Variants in CHN1 observed in about 807,000 individuals in gnomAD.
The protein encoded by CHN1 is chimerin 1, also known as N-chimaerin.
Under a neutral mutation model 59.5 loss-of-function variants are expected in CHN1, and 37 were observed. The ratio of observed to expected loss-of-function variants is 0.62; its 90% CI spans 0.48 to 0.82. CHN1 has a LOEUF of 0.82. Among genes scored for constraint, CHN1 ranks in the 40% least tolerant of loss-of-function variants. The pLI, the probability that CHN1 is intolerant of heterozygous loss-of-function variation, is 0.00. For missense variants in CHN1, 469 were observed against 571.0 expected, an observed-to-expected ratio of 0.82 and a Z score of 1.82; for synonymous variants, 206 against 200.4, an observed-to-expected ratio of 1.03 and a Z score of -0.24.
intron 6 of CHN1, among the ~76,000 whole-genome samples, chr2:174,851,019 C>G (rs928219332): frequency 1.3e-5 from 2 of 152,146 alleles, no homozygotes; most frequent in African/African-American, 4.8e-5. Context: ...ATGTGGAGGT[C>G]TGAGCTCAGA....
At chr2:174,932,114 C>T (rs530374873) in intron 3 of CHN1, among the ~76,000 whole-genome samples, 1 of 152,268 alleles carries the variant, frequency 6.6e-6, no homozygotes, top group African/African-American at 2.4e-5. Context: ...GGGGAAAGAT[C>T]AGTTAAGAAC....
chr2:174,860,448 A>C (rs1249349898), intron 6 of CHN1, among the ~76,000 whole-genome samples: 1 of 152,136 alleles, frequency 6.6e-6, no homozygotes, highest in Non-Finnish European at 1.5e-5. Flanking sequence ...AAAGTGTAAA[A>C]ACTTCATAAA....
intron 5 of CHN1, among the ~76,000 whole-genome samples, chr2:174,914,303 C>T (rs1306409073): frequency 6.6e-6 from 1 of 152,128 alleles, no homozygotes. Flanking sequence ...TGTTTCTGGG[C>T]ACTGTACTGT....
At chr2:174,931,213 A>G (rs1222706079) in intron 3 of CHN1, among the ~76,000 whole-genome samples, 3 of 152,256 alleles carry the variant, frequency 2.0e-5, no homozygotes, top group African/African-American at 7.2e-5. Context: ...GCTATCACTC[A>G]GCATTCATAT....
chr2:174,998,293 ACT>A (rs1195276703), intron 1 of CHN1, among the ~76,000 whole-genome samples: 22 of 119,422 alleles, frequency 1.8e-4, no homozygotes, highest in African/African-American at 5.7e-4. Flanking sequence ...ACAGAGTGAG[ACT>A]CTGTCTCAAA....
chr2:174,884,476 A>C (rs1364872772), intron 5 of CHN1, among the ~76,000 whole-genome samples: 1 of 152,204 alleles, frequency 6.6e-6, no homozygotes, highest in Non-Finnish European at 1.5e-5. Context: ...CAAGCCTAAC[A>C]ATACTAAGTA....
intron 7 of CHN1, among the ~76,000 whole-genome samples, chr2:174,845,090 AAAC>A (rs1236947188): frequency 1.3e-5 from 2 of 152,174 alleles, no homozygotes; most frequent in East Asian, 1.9e-4. Flanking sequence ...TAAAATTGAG[AAAC>A]AACTGGAAGA....
intron 6 of CHN1, among the ~76,000 whole-genome samples, chr2:174,860,852 C>T (rs1687047604): frequency 6.6e-6 from 1 of 152,040 alleles, no homozygotes; most frequent in African/African-American, 2.4e-5. Context: ...CTCTCTCCAT[C>T]CCAGATTTCT....
chr2:174,987,018 G>A (rs1559011260), intron 1 of CHN1, among the ~76,000 whole-genome samples: 2 of 152,100 alleles, frequency 1.3e-5, no homozygotes, highest in Non-Finnish European at 1.5e-5. Context: ...TTACAGGCAT[G>A]AGCCACCACG....
intron 5 of CHN1, among the ~76,000 whole-genome samples, chr2:174,910,955 C>G (rs1174808246): frequency 6.9e-6 from 1 of 145,772 alleles, no homozygotes; most frequent in South Asian, 2.2e-4. Flanking sequence ...TTTAAAAGAT[C>G]ATTTCATATA....
chr2:174,824,520 T>C lies in CHN1; in HGVS notation c.628-2A>G. The C allele has an allele frequency of 6.4e-7, 1 of 1,567,178 alleles. No individual in the cohort carries two copies. Among genetic ancestry groups the C allele is most frequent in the African/African-American group, 1.4e-5 (1 of 71,038 alleles). ...GTGTGGCCCTCTGAATGTATGCACC[T>C]GAAAAAAAAAAAGAGGGGCAAAGTC... is the stretch of plus-strand genomic sequence containing the variant. On this transcript the variant is annotated splice_acceptor_variant, in intron 7 of 12. Transcript: ENST00000409900. LOFTEE classifies it high-confidence loss of function.
chr2:174,957,477 T>C (rs1286081045), intron 1 of CHN1, among the ~76,000 whole-genome samples: 2 of 149,416 alleles, frequency 1.3e-5, no homozygotes, highest in African/African-American at 2.5e-5. Context: ...ATATTGAAGT[T>C]TGTCTTAATA....
chr2:174,810,004 T>C (rs1685022051), intron 10 of CHN1, among the ~76,000 whole-genome samples: 2 of 152,206 alleles, frequency 1.3e-5, no homozygotes, highest in Admixed American at 1.3e-4. Context: ...TCCCCAAACT[T>C]GCCTTTTCAC....
At chr2:174,958,654 T>G (rs991048726) in intron 1 of CHN1, among the ~76,000 whole-genome samples, 3 of 152,172 alleles carry the variant, frequency 2.0e-5, no homozygotes, top group African/African-American at 7.2e-5. Flanking sequence ...CTTTAGAAAA[T>G]TTACTACCTC....
intron 8 of CHN1, among the ~76,000 whole-genome samples, chr2:174,821,375 TTCTC>T (rs1457338305): frequency 2.0e-5 from 3 of 152,310 alleles, no homozygotes; most frequent in East Asian, 3.9e-4. Flanking sequence ...TATATCATCT[TTCTC>T]TATCAACCTC....
At position 174,982,815 on chromosome 2, in the gene CHN1, ATT is replaced by A. The variant is rs754790821; in HGVS notation, c.19+22077_19+22078del. ...AATAAACAGTTATATATCAAGAAATATTGTGTTCTTTTTTTAATTTAAAATTT... is the reference window on the plus strand; with the variant it reads ...AATAAACAGTTATATATCAAGAAATAGTGTTCTTTTTTTAATTTAAAATTT... On this transcript the variant is annotated intron_variant, in intron 1 of 12. Transcript: ENST00000409900. 7.9e-5 allele frequency among the ~76,000 whole-genome samples: 12 copies of A among 152,288 alleles called. No homozygotes were observed. The East Asian group carries it at 2.1e-3, about 27-fold the overall frequency.
At chr2:174,820,782 C>T (rs138048683) in intron 8 of CHN1, among the ~76,000 whole-genome samples, 301 of 152,332 alleles carry the variant, frequency 2.0e-3, no homozygotes, top group Non-Finnish European at 3.4e-3. Flanking sequence ...CCGACTCCTA[C>T]AGCAACTTTG....
chr2:174,866,498 A>G (rs1687220447), intron 6 of CHN1, among the ~76,000 whole-genome samples: 1 of 152,184 alleles, frequency 6.6e-6, no homozygotes, highest in Admixed American at 6.5e-5. Context: ...AAGCATTTTC[A>G]TATTCATTAG....
intron 3 of CHN1, among the ~76,000 whole-genome samples, chr2:174,920,741 T>C (rs1351063128): frequency 1.3e-5 from 2 of 152,166 alleles, no homozygotes; most frequent in Admixed American, 1.3e-4. Flanking sequence ...CAGGGACTGG[T>C]TTTGTGGAAG....
Sources: allele counts gnomAD v4.1 joint callset (sites outside exome capture counted in the v4.1 genomes callset), GRCh38; gene constraint gnomAD v4.1.1; transcripts MANE v1.5; gene names NCBI Gene and HGNC (gene_info 2026-07-23, HGNC 2026-07-21).